CSMD1: variants seen among roughly 807,000 people sequenced by gnomAD.
CSMD1 encodes the protein CUB and sushi domain-containing protein 1.
Under a neutral mutation model 417.5 loss-of-function variants are expected in CSMD1, and 213 were observed. The observed-to-expected ratio is 0.51, with a 90% CI of 0.46 to 0.57. The LOEUF is 0.57. Ranked by LOEUF, CSMD1 falls within the 20% of genes least tolerant of loss-of-function variation. The probability of loss-of-function intolerance (pLI) is 0.00; values close to 1 mark genes in which losing one functional copy is unlikely to be tolerated. For missense variants in CSMD1, 6,923 were observed against 4,529.7 expected (o/e 1.53, Z -15.17); for synonymous variants, 2,862 against 1,736.8 (o/e 1.65, Z -16.11).
At chr8:3,234,469 G>C (rs1050340671) in intron 26 of CSMD1, among the ~76,000 whole-genome samples, 3 of 152,060 alleles carry the variant, frequency 2.0e-5, no homozygotes, top group Middle Eastern at 3.2e-3. Context: ...AATCTCACTT[G>C]AAAACAGCAC....
At chr8:4,771,650 G>T (rs1475172403) in intron 1 of CSMD1, among the ~76,000 whole-genome samples, 1 of 152,078 alleles carries the variant, frequency 6.6e-6, no homozygotes, top group African/African-American at 2.4e-5. Context: ...TGATTTCTAC[G>T]CAGTCAAATT....
At chr8:4,322,265 T>G (rs1165505802) in intron 3 of CSMD1, among the ~76,000 whole-genome samples, 2 of 152,216 alleles carry the variant, frequency 1.3e-5, no homozygotes, top group African/African-American at 2.4e-5. Flanking sequence ...TAAAATAGTT[T>G]AAACATAAGT....
At chr8:4,415,831 G>T (rs115928460) in intron 3 of CSMD1, among the ~76,000 whole-genome samples, 4 of 152,126 alleles carry the variant, frequency 2.6e-5, no homozygotes, top group African/African-American at 9.7e-5. Flanking sequence ...ATGTATTTGT[G>T]TATGTGTGTA....
At chr8:4,141,747 T>TTTAG (rs370916243) in intron 3 of CSMD1, among the ~76,000 whole-genome samples, 45,278 of 151,022 alleles carry the variant, frequency 0.3, 8,446 homozygotes, top group Non-Finnish European at 0.39. Context: ...GATACAGTGA[T>TTTAG]TCATCCCATG....
intron 26 of CSMD1, among the ~76,000 whole-genome samples, chr8:3,267,288 T>C (rs891574482): frequency 1.3e-5 from 2 of 152,182 alleles, no homozygotes; most frequent in African/African-American, 4.8e-5. Flanking sequence ...TAGCTTTGCG[T>C]CTCACAAGGC....
chr8:4,366,041 A>C (rs1439661385), intron 3 of CSMD1, among the ~76,000 whole-genome samples: 1 of 152,158 alleles, frequency 6.6e-6, no homozygotes, highest in African/African-American at 2.4e-5. Context: ...TAGTGAGCAC[A>C]GTACCTGACA....
intron 5 of CSMD1, among the ~76,000 whole-genome samples, chr8:3,923,069 C>A (rs115691080): frequency 6.6e-6 from 1 of 152,124 alleles, no homozygotes; most frequent in Non-Finnish European, 1.5e-5. Flanking sequence ...TTTTGTGTTC[C>A]TGGAGCCCAG....
chr8:4,789,879 A>G (rs566355887), intron 1 of CSMD1, among the ~76,000 whole-genome samples: 1 of 152,214 alleles, frequency 6.6e-6, no homozygotes, highest in Non-Finnish European at 1.5e-5. Context: ...TATTTTACAG[A>G]CTTGCCTAAG....
chr8:4,453,380 C>A (rs1416482796), intron 2 of CSMD1, among the ~76,000 whole-genome samples: 1 of 152,174 alleles, frequency 6.6e-6, no homozygotes, highest in African/African-American at 2.4e-5. Context: ...CTCCTGGGCA[C>A]AGAACTTGGT....
chr8:4,073,603 A>G (rs1396205796), intron 3 of CSMD1, among the ~76,000 whole-genome samples: 1 of 152,118 alleles, frequency 6.6e-6, no homozygotes, highest in Admixed American at 6.5e-5. Context: ...CAGTATTGAG[A>G]TAAATAAAGC....
intron 2 of CSMD1, among the ~76,000 whole-genome samples, chr8:4,434,713 CCT>C (rs1798055044): frequency 6.6e-6 from 1 of 152,090 alleles, no homozygotes. Flanking sequence ...TTTTCATGCC[CCT>C]GACAGTGCTC....
rs114563799 is a variant in CSMD1, at chr8:4,824,682, C to A, written c.85+169650G>T. Among the ~76,000 whole-genome samples the A allele has an allele frequency of 3.6e-3, 548 of 152,262 alleles. 2 individuals are homozygous for A. The highest frequency in any genetic ancestry group is 0.013 in the African/African-American group (527 of 41,562). On this transcript the variant is annotated intron_variant, in intron 1 of 69. Transcript: ENST00000635120. ...TAACGAAAGTGACAATTTTTGCGTA[C>A]ACATTTCTATCCACTGAAATAACTG...
Position 3,260,803 on chromosome 8 carries a change from C to G in CSMD1, c.4153+23341G>C, listed in dbSNP as rs78141003. Among the ~76,000 whole-genome samples the G allele has an allele frequency of 7.4e-3, 1,123 of 152,236 alleles. 13 individuals are homozygous for G. The highest frequency in any genetic ancestry group is 0.025 in the African/African-American group (1,053 of 41,544). On this transcript the variant is annotated intron_variant, in intron 26 of 69. Transcript: ENST00000635120. ...AAGCCAAAATGAATAAATGAGACTT[C>G]ATCAAAACAGAAAAGCTTTTGCTCT...
chr8:4,806,311 G>C (rs1046654683), intron 1 of CSMD1, among the ~76,000 whole-genome samples: 6 of 152,254 alleles, frequency 3.9e-5, no homozygotes, highest in Admixed American at 3.3e-4. Flanking sequence ...AGGTGGCCTA[G>C]TTCCACCCTA....
intron 5 of CSMD1, among the ~76,000 whole-genome samples, chr8:3,942,104 C>T (rs933845587): frequency 1.4e-4 from 22 of 151,764 alleles, no homozygotes; most frequent in African/African-American, 5.3e-4. Flanking sequence ...GAATCTAATG[C>T]CTGATGATCT....
chr8:3,753,193 T>G (rs1006571425), intron 6 of CSMD1, among the ~76,000 whole-genome samples: 6 of 152,132 alleles, frequency 3.9e-5, no homozygotes, highest in Admixed American at 3.9e-4. Flanking sequence ...CTTAGGCACT[T>G]TGATTGGGAA....
chr8:4,101,895 C>G (rs1430100079), intron 3 of CSMD1, among the ~76,000 whole-genome samples: 1 of 152,166 alleles, frequency 6.6e-6, no homozygotes, highest in African/African-American at 2.4e-5. Context: ...CAACTACTAT[C>G]TCTCCTAATA....
At chr8:3,932,622 C>G (rs1032495043) in intron 5 of CSMD1, among the ~76,000 whole-genome samples, 1 of 150,436 alleles carries the variant, frequency 6.6e-6, no homozygotes. Flanking sequence ...TTTCACCAAA[C>G]ATTTATATTG....
intron 3 of CSMD1, among the ~76,000 whole-genome samples, chr8:4,300,933 G>A (rs749898971): frequency 1.6e-4 from 24 of 152,092 alleles, no homozygotes; most frequent in African/African-American, 4.8e-4. Flanking sequence ...CCAGACTATC[G>A]TTGTTGGACA....
Sources: allele counts gnomAD v4.1 joint callset (sites outside exome capture counted in the v4.1 genomes callset), GRCh38; gene constraint gnomAD v4.1.1; transcripts MANE v1.5; gene names NCBI Gene and HGNC (gene_info 2026-07-23, HGNC 2026-07-21).